SYT6: variants seen among roughly 807,000 people sequenced by gnomAD.
SYT6 encodes the protein synaptotagmin 6.
SYT6 carries 24 observed loss-of-function variants against 38.4 expected under a neutral mutation model. The observed-to-expected ratio is 0.62, with a 90% confidence interval of 0.45 to 0.88. SYT6 has a LOEUF of 0.88. Among genes scored for constraint, SYT6 ranks in the 40% least tolerant of loss-of-function variants. SYT6 has a pLI of 0.00. For missense variants in SYT6, 611 were observed against 621.0 expected (o/e 0.98, Z 0.17); for synonymous variants, 265 against 241.9 (o/e 1.10, Z -0.89).
chr1:114,104,666 C>CTCCATCCA (rs35545510), intron 3 of SYT6, among the ~76,000 whole-genome samples: 7 of 151,144 alleles, frequency 4.6e-5, no homozygotes, highest in Non-Finnish European at 1.0e-4. Flanking sequence ...AGATGAGGCC[C>CTCCATCCA]TCCATCCATC....
Position 114,097,256 on chromosome 1 carries a change from A to G in SYT6, c.1515+471T>C, listed in dbSNP as rs144704809. ...CCAACAAGGGCAAGAACCAACATTC[A>G]TAAGAGGAGGAATCTGCTCTTTGGC... On this transcript the variant is annotated intron_variant, in intron 6 of 7. Coordinates refer to ENST00000610222, the MANE Select transcript of SYT6 (RefSeq NM_001253772.2). Among the ~76,000 whole-genome samples the G allele has an allele frequency of 2.7e-3, 406 of 152,346 alleles. 1 individual carries two copies. Among genetic ancestry groups the G allele is most frequent in the Admixed American group, 5.2e-3 (79 of 15,306 alleles).
At chr1:114,120,965 T>C (rs755827402) in intron 3 of SYT6, among the ~76,000 whole-genome samples, 40 of 152,204 alleles carry the variant, frequency 2.6e-4, no homozygotes, top group Admixed American at 1.2e-3. Context: ...CCTCACGCTG[T>C]CCGTGCCTAG....
intron 1 of SYT6, among the ~76,000 whole-genome samples, chr1:114,146,774 C>G (rs1052324070): frequency 1.3e-5 from 2 of 152,234 alleles, no homozygotes; most frequent in African/African-American, 4.8e-5. Context: ...ACTGGCCTCA[C>G]TAACAGTCTA....
At position 114,103,615 on chromosome 1, in the gene SYT6, A is replaced by G. The variant is rs778239423; in HGVS notation, c.1178T>C (p.Ile393Thr). The G allele has an allele frequency of 6.2e-7, 1 of 1,614,144 alleles. No homozygotes were observed. The highest frequency in any genetic ancestry group is 8.5e-7 in the Non-Finnish European group (1 of 1,180,014). The change falls in exon 4 of 8, where the codon ATC becomes ACC. Residue 393 changes from isoleucine to threonine, a missense_variant. Coordinates refer to ENST00000610222, the MANE Select transcript of SYT6 (RefSeq NM_001253772.2). ...AAGAGAGGTACCTGAATAGCCTGTG[A>G]TGTCCATCGCCTTGAGGTTCCGACA... ...IKCRNLKAMD[I>T]TGYSDPYVKV...
intron 2 of SYT6, 135 bp downstream of exon 2, chr1:114,139,480 C>T: frequency 1.4e-6 from 2 of 1,387,516 alleles, no homozygotes; most frequent in Non-Finnish European, 1.9e-6. Flanking sequence ...TGGCTCACAT[C>T]ATCTGACATA....
At chr1:114,097,252 A>T (rs1293984208) in intron 6 of SYT6, among the ~76,000 whole-genome samples, 2 of 152,220 alleles carry the variant, frequency 1.3e-5, no homozygotes, top group African/African-American at 2.4e-5. Flanking sequence ...AAGAACCAAC[A>T]TTCATAAGAG....
At position 114,090,194 on chromosome 1, in the gene SYT6, A is replaced by C. The variant is rs1009475803; in HGVS notation, c.*1940T>G. On this transcript the variant is annotated 3_prime_UTR_variant, in exon 8 of 8. Coordinates refer to ENST00000610222, the MANE Select transcript of SYT6 (RefSeq NM_001253772.2). ...TCAGTCTAGAGTCAGAATCATAATG[A>C]AGTCTGTCACCTGCCAGGAATCTTG... 4 of 152,322 alleles carry C rather than the reference A, an allele frequency of 2.6e-5. No individual in the cohort carries two copies. Among genetic ancestry groups the C allele is most frequent in the Non-Finnish European group, 5.9e-5 (4 of 68,050 alleles). The allele number at this position is 152,322 out of a possible 1,614,324, so 9.4% of individuals were successfully genotyped here. A position where few individuals can be genotyped will look rare whatever the true frequency, so the allele number is the denominator to read the frequency against.
At chr1:114,132,876 T>C (rs1223076697) in intron 3 of SYT6, among the ~76,000 whole-genome samples, 1 of 152,210 alleles carries the variant, frequency 6.6e-6, no homozygotes, top group Non-Finnish European at 1.5e-5. Context: ...ATCTTGCTGA[T>C]GTCAAACCTG....
intron 3 of SYT6, among the ~76,000 whole-genome samples, chr1:114,105,876 G>A (rs1676278559): frequency 6.6e-6 from 1 of 152,148 alleles, no homozygotes; most frequent in Non-Finnish European, 1.5e-5. Flanking sequence ...CCATCCACTT[G>A]TTCATTTTTG....
chr1:114,095,348 T>C (rs1675567815), intron 6 of SYT6, among the ~76,000 whole-genome samples: 1 of 152,230 alleles, frequency 6.6e-6, no homozygotes, highest in South Asian at 2.1e-4. Context: ...ATTATTTGGC[T>C]TAATTAGGTT....
chr1:114,115,136 C>T (rs1356096235), intron 3 of SYT6, among the ~76,000 whole-genome samples: 1 of 152,186 alleles, frequency 6.6e-6, no homozygotes, highest in African/African-American at 2.4e-5. Flanking sequence ...ATCAGCATCA[C>T]TTGGAACTAA....
intron 3 of SYT6, among the ~76,000 whole-genome samples, chr1:114,132,551 C>T (rs1678219428): frequency 6.6e-6 from 1 of 152,198 alleles, no homozygotes; most frequent in Non-Finnish European, 1.5e-5. Flanking sequence ...TGGTTTAATA[C>T]TGAGGAAAAT....
intron 3 of SYT6, among the ~76,000 whole-genome samples, chr1:114,111,604 C>A (rs927407441): frequency 1.3e-5 from 2 of 152,230 alleles, no homozygotes; most frequent in African/African-American, 4.8e-5. Context: ...GTCCTGTCAC[C>A]CCCTCTTGGG....
rs548911828 is a variant in SYT6, at chr1:114,091,301, C to T, written c.*833G>A. 1 of 152,804 alleles carries T rather than the reference C, an allele frequency of 6.5e-6. No individual in the cohort carries two copies. Among genetic ancestry groups the T allele is most frequent in the South Asian group, 2.1e-4 (1 of 4,818 alleles). 9.5% of individuals were successfully genotyped at this position (152,804 alleles called of 1,614,324 possible). The stretch of plus-strand genomic sequence containing the variant: ...CTGTGGCGCATCAGAAAACATATGG[C>T]GTGTTTAGTTTCGGCTGAACTGAAT... On this transcript the variant is annotated 3_prime_UTR_variant, in exon 8 of 8. Transcript: ENST00000610222.
At chr1:114,095,550 C>T (rs991899901) in intron 6 of SYT6, among the ~76,000 whole-genome samples, 3 of 152,300 alleles carry the variant, frequency 2.0e-5, no homozygotes, top group East Asian at 3.9e-4. Flanking sequence ...TGGGGGCTCA[C>T]GGGCCCAGCC....
intron 1 of SYT6, among the ~76,000 whole-genome samples, chr1:114,142,564 G>A (rs1001919167): frequency 6.6e-6 from 1 of 152,234 alleles, no homozygotes; most frequent in Non-Finnish European, 1.5e-5. Flanking sequence ...AGTGGCAGGG[G>A]TTGAGAGGAT....
At chr1:114,109,639 G>A (rs1429483774) in intron 3 of SYT6, among the ~76,000 whole-genome samples, 1 of 152,182 alleles carries the variant, frequency 6.6e-6, no homozygotes, top group Middle Eastern at 3.2e-3. Flanking sequence ...AGTAAGTATT[G>A]GCAACTATTA....
At chr1:114,105,314 C>CT (rs1040204947) in intron 3 of SYT6, among the ~76,000 whole-genome samples, 6 of 150,780 alleles carry the variant, frequency 4.0e-5, no homozygotes, top group Admixed American at 2.6e-4. Flanking sequence ...CTGTTCCCCC[C>CT]CTGGAGAATA....
At chr1:114,132,764 C>T (rs1457948565) in intron 3 of SYT6, among the ~76,000 whole-genome samples, 1 of 152,214 alleles carries the variant, frequency 6.6e-6, no homozygotes, top group Non-Finnish European at 1.5e-5. Context: ...AGGAATAGGG[C>T]TCAGCAAGCT....
Sources: gnomAD v4.1 joint callset for allele counts (sites outside exome capture counted in the v4.1 genomes callset) on GRCh38, gnomAD v4.1.1 for gene constraint, MANE v1.5 for transcripts, NCBI Gene and HGNC (gene_info 2026-07-23, HGNC 2026-07-21) for gene names.